ZNF215: variants seen among roughly 807,000 people sequenced by gnomAD.
The protein encoded by ZNF215 is BWSCR2-associated zinc finger protein 2.
ZNF215 carries 24 observed loss-of-function variants against 27.2 expected under a neutral mutation model. The ratio of observed to expected loss-of-function variants is 0.88; its 90% CI spans 0.64 to 1.24. The LOEUF (loss-of-function observed/expected upper bound fraction) is 1.24. Ranked by LOEUF, ZNF215 falls within the 50% of genes most tolerant of loss-of-function variation. The pLI, the probability that ZNF215 is intolerant of heterozygous loss-of-function variation, is 0.00. For missense variants in ZNF215, 675 were observed against 605.7 expected (o/e 1.11, Z -1.20); for synonymous variants, 210 against 204.0 (o/e 1.03, Z -0.25).
chr11:6,961,483 C>A (rs1850516192), downstream of ZNF215, among the ~76,000 whole-genome samples: 1 of 152,150 alleles, frequency 6.6e-6, no homozygotes, highest in South Asian at 2.1e-4. Flanking sequence ...CCCAAATTCT[C>A]AGCTTCATCA....
chr11:6,929,929 C>A (rs1318099282), intron 2 of ZNF215, among the ~76,000 whole-genome samples: 1 of 151,900 alleles, frequency 6.6e-6, no homozygotes, highest in Non-Finnish European at 1.5e-5. Context: ...GTTTACTCTC[C>A]CCCATGTATT....
downstream of ZNF215, among the ~76,000 whole-genome samples, chr11:6,988,047 G>C (rs1015050618): frequency 6.6e-6 from 1 of 152,186 alleles, no homozygotes; most frequent in African/African-American, 2.4e-5. Context: ...CTGAATCCCT[G>C]TGTCCTATGT....
chr11:6,931,099 C>G (rs1451279205), intron 2 of ZNF215, among the ~76,000 whole-genome samples: 4 of 152,124 alleles, frequency 2.6e-5, no homozygotes, highest in African/African-American at 4.8e-5. Context: ...GTAAAATATC[C>G]TGACTGAGAA....
intron 3 of ZNF215, among the ~76,000 whole-genome samples, chr11:6,936,841 C>T (rs186639331): frequency 6.6e-6 from 1 of 150,602 alleles, no homozygotes; most frequent in Admixed American, 6.6e-5. Flanking sequence ...ACGATTATCT[C>T]AATTGATGCA....
rs1195233728 is a variant in ZNF215 at position 6,938,570 on chromosome 11, GC to G, written c.401-2999del. 4.0e-5 allele frequency among the ~76,000 whole-genome samples: 6 copies of G among 151,102 alleles called. No individual in the cohort carries two copies. The South Asian group carries it at 1.1e-3, about 26-fold the overall frequency. On this transcript the variant is annotated intron_variant, in intron 3 of 6. Coordinates refer to ENST00000278319, the MANE Select transcript of ZNF215 (RefSeq NM_013250.4). ...TATACATACAGTGGAGTATTATTCT[GC>G]CATAAAAAAGAATGAAGTACTGATA...
chr11:6,943,726 G>C (rs957771435), intron 6 of ZNF215, 85 bp downstream of exon 6: 1 of 1,092,964 alleles, frequency 9.1e-7, no homozygotes, highest in Non-Finnish European at 1.4e-6. Flanking sequence ...TCTTTGAATT[G>C]TTAGTTGGGA....
chr11:6,994,351 A>G (rs1051939260), intron 6 of ZNF215, among the ~76,000 whole-genome samples: 7 of 152,138 alleles, frequency 4.6e-5, no homozygotes, highest in African/African-American at 1.2e-4. Context: ...TCTTGACTAT[A>G]GAATGTGCCT....
intron 6 of ZNF215, among the ~76,000 whole-genome samples, chr11:6,952,487 A>G (rs1850115259): frequency 6.6e-6 from 1 of 152,054 alleles, no homozygotes; most frequent in Non-Finnish European, 1.5e-5. Flanking sequence ...ACCATTATGT[A>G]ATGGCCTTCT....
At chr11:6,933,535 C>T (rs934399800) in intron 3 of ZNF215, among the ~76,000 whole-genome samples, 1 of 152,074 alleles carries the variant, frequency 6.6e-6, no homozygotes, top group East Asian at 1.9e-4. Flanking sequence ...CGCCTGTAAT[C>T]CCAGCACTTT....
At chr11:6,943,270 A>T in intron 5 of ZNF215, 55 bp downstream of exon 5, 9 of 1,566,544 alleles carry the variant, frequency 5.7e-6, no homozygotes, top group Non-Finnish European at 7.8e-6. Flanking sequence ...TCCTACCGTT[A>T]AAAGCTATAG....
chr11:6,927,153 G>T (rs1052939444), intron 1 of ZNF215, among the ~76,000 whole-genome samples: 2 of 152,108 alleles, frequency 1.3e-5, no homozygotes, highest in Non-Finnish European at 2.9e-5. Context: ...AGCGTGACTG[G>T]ATCAATCAAC....
Position 6,955,839 on chromosome 11 carries a change from G to A in ZNF215, c.862G>A (p.Ala288Thr), listed in dbSNP as rs138556610. 3.8e-4 allele frequency: 608 copies of A among 1,613,476 alleles called. 5 individuals are homozygous for A. In the African/African-American group the frequency reaches 7.3e-3, roughly 19 times the overall value. ...ATGGGACATAAATTTGCCACAAGAGGCTTTCATTCCTGAGACAATTTACAC... is the reference window on the plus strand; with the variant it reads ...ATGGGACATAAATTTGCCACAAGAGACTTTCATTCCTGAGACAATTTACAC... The part of the protein sequence containing the change: ...KKWDINLPQE[A>T]FIPETIYTEE... Residue 288 changes from alanine (A) to threonine (T), a missense_variant, in exon 7 of 7, where the codon GCT (alanine) becomes ACT (threonine). By Grantham distance (58) the Ala-to-Thr change is moderately conservative. Transcript: ENST00000278319.
intron 5 of ZNF215, among the ~76,000 whole-genome samples, chr11:6,970,419 A>G (rs1484311401): frequency 6.6e-6 from 1 of 152,232 alleles, no homozygotes; most frequent in Non-Finnish European, 1.5e-5. Flanking sequence ...ACAAGTGGGG[A>G]AAATTGAACA....
At chr11:6,947,918 A>G (rs1225402054) in intron 6 of ZNF215, among the ~76,000 whole-genome samples, 2 of 152,202 alleles carry the variant, frequency 1.3e-5, no homozygotes, top group Non-Finnish European at 1.5e-5. Flanking sequence ...GGGCCAGAGC[A>G]CCTGCATGTG....
At chr11:6,977,142 A>G (rs921511432) in intron 5 of ZNF215, among the ~76,000 whole-genome samples, 2 of 152,040 alleles carry the variant, frequency 1.3e-5, no homozygotes, top group African/African-American at 2.4e-5. Flanking sequence ...ATGTGACTGC[A>G]CAGTAGTCCC....
At chr11:6,944,061 G>C (rs1267261335) in intron 6 of ZNF215, among the ~76,000 whole-genome samples, 4 of 152,166 alleles carry the variant, frequency 2.6e-5, no homozygotes, top group Non-Finnish European at 4.4e-5. Context: ...GGATCACAAG[G>C]TCAGGAGATC....
intron 3 of ZNF215, among the ~76,000 whole-genome samples, chr11:6,941,355 C>T (rs1849625036): frequency 6.6e-6 from 1 of 152,138 alleles, no homozygotes; most frequent in Non-Finnish European, 1.5e-5. Context: ...TAGATCTCAG[C>T]CCATGGTAGC....
chr11:6,950,640 G>A (rs200825396), intron 6 of ZNF215, among the ~76,000 whole-genome samples: 7,093 of 149,028 alleles, frequency 0.048, 192 homozygotes, highest in East Asian at 0.14. Flanking sequence ...GGGCTGAGAC[G>A]ATGGGGTTTT....
intron 2 of ZNF215, among the ~76,000 whole-genome samples, chr11:6,929,345 A>G (rs1343354294): frequency 6.6e-6 from 1 of 152,256 alleles, no homozygotes; most frequent in African/African-American, 2.4e-5. Flanking sequence ...GTATTAGTAT[A>G]GAACATTTCT....
Sources: allele counts gnomAD v4.1 joint callset (sites outside exome capture counted in the v4.1 genomes callset), GRCh38; gene constraint gnomAD v4.1.1; transcripts MANE v1.5; gene names NCBI Gene and HGNC (gene_info 2026-07-23, HGNC 2026-07-21).